KCNMA1: variants seen among roughly 807,000 people sequenced by gnomAD.
KCNMA1 encodes potassium calcium-activated channel subfamily M alpha 1, also known as Calcium-activated potassium channel subunit alpha-1.
A neutral mutation model predicts 140.0 loss-of-function variants in KCNMA1; 29 were observed. The observed-to-expected ratio is 0.21, with a 90% CI of 0.15 to 0.28. The LOEUF (loss-of-function observed/expected upper bound fraction) is 0.28, where lower values mean the gene tolerates loss of function less well. Ranked by LOEUF, KCNMA1 falls within the 10% of genes least tolerant of loss-of-function variation. KCNMA1 has a pLI of 1.00. For missense variants in KCNMA1, 880 were observed against 1,602.2 expected (o/e 0.55, Z 7.70); for synonymous variants, 612 against 611.9 (o/e 1.00, Z 0.00).
chr10:77,398,477 G>T (rs940332366), intron 2 of KCNMA1, among the ~76,000 whole-genome samples: 1 of 152,130 alleles, frequency 6.6e-6, no homozygotes, highest in Non-Finnish European at 1.5e-5. Context: ...TCATATGCTT[G>T]TTGGCCATTC....
chr10:77,307,007 A>G (rs1299139678), intron 2 of KCNMA1, among the ~76,000 whole-genome samples: 2 of 152,234 alleles, frequency 1.3e-5, no homozygotes, highest in African/African-American at 2.4e-5. Context: ...CCAGTGCAAC[A>G]TAGCACACGC....
rs117676605 is a variant in KCNMA1 at position 77,102,711 on chromosome 10, G to A, written c.1223+5770C>T. Among the ~76,000 whole-genome samples, 457 of 152,324 alleles carry A rather than the reference G, an allele frequency of 3.0e-3. 1 individual carries two copies. Among genetic ancestry groups the A allele is most frequent in the Middle Eastern group, 6.8e-3 (2 of 294 alleles). On this transcript the variant is annotated intron_variant, in intron 9 of 27. Transcript: ENST00000286628. ...GGTCAAGGTCATTGAACAAGCGTTA[G>A]TTAGCATCTCCTCCTCTGAGGTGTC...
intron 1 of KCNMA1, chr10:77,634,565 C>T (rs1042293431): frequency 1.8e-6 from 1 of 571,094 alleles, no homozygotes; most frequent in African/African-American, 4.2e-5. Flanking sequence ...CTGCTTTCCT[C>T]TGGACTCCAG....
At position 77,481,111 on chromosome 10, in the gene KCNMA1, C is replaced by T. The variant is rs536316127; in HGVS notation, c.379-77088G>A. Among the ~76,000 whole-genome samples, 7 of 142,524 alleles carry T rather than the reference C, an allele frequency of 4.9e-5. No individual in the cohort carries two copies. In the South Asian group the frequency reaches 1.8e-3, roughly 37 times the overall value. 93.5% of individuals were successfully genotyped at this position (142,524 alleles called of 152,430 possible). On this transcript the variant is annotated intron_variant, in intron 1 of 27. Coordinates refer to ENST00000286628, the MANE Select transcript of KCNMA1 (RefSeq NM_001161352.2). Reference sequence around the variant, plus strand: ...CCAGCCTGGGCAACAGAGTGAGACTCCATCTCAAAAAAAAAAAAAAGATAC... The same window carrying T: ...CCAGCCTGGGCAACAGAGTGAGACTTCATCTCAAAAAAAAAAAAAAGATAC...
At chr10:77,030,220 G>A (rs2093828766) in intron 15 of KCNMA1, among the ~76,000 whole-genome samples, 1 of 152,150 alleles carries the variant, frequency 6.6e-6, no homozygotes, top group Admixed American at 6.5e-5. Context: ...CTAATGACCT[G>A]GGCTTTGTGC....
chr10:77,208,390 G>A (rs561417516), intron 3 of KCNMA1, among the ~76,000 whole-genome samples: 1 of 152,310 alleles, frequency 6.6e-6, no homozygotes. Context: ...CTTGGAGGCT[G>A]AGGCGGGACG....
At chr10:77,359,767 G>A (rs772183226) in intron 2 of KCNMA1, among the ~76,000 whole-genome samples, 1 of 152,218 alleles carries the variant, frequency 6.6e-6, no homozygotes, top group Non-Finnish European at 1.5e-5. Flanking sequence ...TGTTGAGCCA[G>A]TGGATCAAGC....
chr10:77,179,936 C>G (rs1414734532), intron 5 of KCNMA1, among the ~76,000 whole-genome samples: 2 of 152,180 alleles, frequency 1.3e-5, no homozygotes, highest in Non-Finnish European at 2.9e-5. Flanking sequence ...CTAGGATGAT[C>G]TGCACAATGA....
At chr10:77,021,808 C>T (rs920015167) in intron 16 of KCNMA1, among the ~76,000 whole-genome samples, 8 of 152,158 alleles carry the variant, frequency 5.3e-5, no homozygotes, top group South Asian at 4.2e-4. Flanking sequence ...AAGGCTAAGG[C>T]AGCCTTCTGG....
chr10:76,887,246 A>G lies in KCNMA1; in HGVS notation c.*20T>C. 1 of 1,613,996 alleles carries G rather than the reference A, an allele frequency of 6.2e-7. No homozygotes were observed. Among genetic ancestry groups the G allele is most frequent in the African/African-American group, 1.3e-5 (1 of 75,002 alleles). The stretch of plus-strand genomic sequence containing the variant: ...ATGAGTGGCAGATACAGTTTCACAC[A>G]GTGGCGGTGGATACACATATCAAAG... On this transcript the variant is annotated 3_prime_UTR_variant, in exon 28 of 28. Transcript: ENST00000286628.
chr10:76,905,916 TA>T (rs2047645033), intron 25 of KCNMA1, among the ~76,000 whole-genome samples: 1 of 152,212 alleles, frequency 6.6e-6, no homozygotes, highest in South Asian at 2.1e-4. Context: ...ATGTATTGAT[TA>T]AAAACACTAG....
chr10:77,615,307 C>T (rs893222089), intron 1 of KCNMA1, among the ~76,000 whole-genome samples: 8 of 152,220 alleles, frequency 5.3e-5, no homozygotes, highest in Non-Finnish European at 7.3e-5. Context: ...GTCCGTCCTG[C>T]TCTGGCTACC....
At chr10:77,421,093 C>G (rs1315688762) in intron 1 of KCNMA1, among the ~76,000 whole-genome samples, 1 of 152,270 alleles carries the variant, frequency 6.6e-6, no homozygotes, top group Non-Finnish European at 1.5e-5. Context: ...CATCTGGCCA[C>G]ATACTGAAAT....
chr10:76,894,283 A>G (rs1000914241), intron 25 of KCNMA1, among the ~76,000 whole-genome samples: 5 of 152,224 alleles, frequency 3.3e-5, no homozygotes, highest in Admixed American at 6.5e-5. Flanking sequence ...CACAGGCAGA[A>G]GAATAAAGTG....
chr10:76,915,145 A>G, intron 23 of KCNMA1, 96 bp from the exon 24 acceptor site: 5 of 799,176 alleles, frequency 6.3e-6, no homozygotes, highest in South Asian at 2.7e-5. Flanking sequence ...CCAAAAATGT[A>G]GCTTATGCAT....
At chr10:77,342,611 G>T (rs890714216) in intron 2 of KCNMA1, among the ~76,000 whole-genome samples, 6 of 152,208 alleles carry the variant, frequency 3.9e-5, no homozygotes, top group Admixed American at 1.3e-4. Flanking sequence ...CCAAGGACTG[G>T]CCACCACACG....
chr10:77,249,584 T>A (rs574521497), intron 3 of KCNMA1: 1 of 152,296 alleles, frequency 6.6e-6, no homozygotes, highest in Non-Finnish European at 1.5e-5. Flanking sequence ...AGGGTTTTCT[T>A]TCTCTGGGAC....
intron 27 of KCNMA1, among the ~76,000 whole-genome samples, chr10:76,889,113 C>T (rs143100204): frequency 6.6e-6 from 1 of 152,070 alleles, no homozygotes; most frequent in Non-Finnish European, 1.5e-5. Flanking sequence ...TAAACACTAG[C>T]AATGTAAAAT....
intron 5 of KCNMA1, among the ~76,000 whole-genome samples, chr10:77,148,584 G>T (rs1472376064): frequency 6.6e-6 from 1 of 152,164 alleles, no homozygotes; most frequent in Non-Finnish European, 1.5e-5. Flanking sequence ...TTATTCTGAA[G>T]CTCTAAATTA....
Sources: allele counts gnomAD v4.1 joint callset (sites outside exome capture counted in the v4.1 genomes callset), GRCh38; gene constraint gnomAD v4.1.1; transcripts MANE v1.5; gene names NCBI Gene and HGNC (gene_info 2026-07-23, HGNC 2026-07-21).